The following VTI1B variants were observed in gnomAD, a reference collection of about 807,000 sequenced individuals.
VTI1B encodes the protein vesicle transport through interaction with t-SNAREs homolog 1B.
Under a neutral mutation model 28.6 loss-of-function variants are expected in VTI1B, and 18 were observed. The observed-to-expected ratio is 0.63, with a 90% CI of 0.43 to 0.93. VTI1B has a LOEUF of 0.93. VTI1B is among the 40% of genes least tolerant of loss of function. The probability of loss-of-function intolerance (pLI) is 0.00; values close to 1 mark genes in which losing one functional copy is unlikely to be tolerated. For missense variants in VTI1B, 283 were observed against 297.0 expected, an observed-to-expected ratio of 0.95 and a Z score of 0.35; for synonymous variants, 100 against 107.9, an observed-to-expected ratio of 0.93 and a Z score of 0.46.
chr14:67,670,799 TACC>T (rs1179783278), intron 1 of VTI1B, among the ~76,000 whole-genome samples: 1 of 152,190 alleles, frequency 6.6e-6, no homozygotes, highest in African/African-American at 2.4e-5. Flanking sequence ...GTGATGGGAC[TACC>T]AGCATGAGCC....
intron 1 of VTI1B, among the ~76,000 whole-genome samples, chr14:67,669,384 C>T (rs1257395668): frequency 4.0e-5 from 6 of 151,714 alleles, no homozygotes; most frequent in Non-Finnish European, 8.8e-5. Flanking sequence ...ATCCTCCTGC[C>T]TCAGCCTCCT....
intron 1 of VTI1B, among the ~76,000 whole-genome samples, chr14:67,667,124 G>A (rs1434141617): frequency 3.3e-5 from 5 of 152,134 alleles, no homozygotes; most frequent in African/African-American, 1.2e-4. Flanking sequence ...GGGAAACTGG[G>A]TGGATGCTGA....
chr14:67,654,805 A>G (rs28390085), intron 4 of VTI1B, among the ~76,000 whole-genome samples: 25,532 of 151,536 alleles, frequency 0.17, 2,224 homozygotes, highest in African/African-American at 0.23. Flanking sequence ...TGAGGCGGGC[A>G]GATCATGAGG....
At chr14:67,661,056 A>G (rs1386470019) in intron 2 of VTI1B, among the ~76,000 whole-genome samples, 1 of 152,086 alleles carries the variant, frequency 6.6e-6, no homozygotes, top group African/African-American at 2.4e-5. Context: ...CTTCATTGGG[A>G]TAAGTGGGAA....
At chr14:67,662,434 C>A in intron 2 of VTI1B, 43 bp downstream of exon 2, 1 of 1,546,008 alleles carries the variant, frequency 6.5e-7, no homozygotes, top group Non-Finnish European at 8.9e-7. Context: ...CTGGAAAAGA[C>A]CAACACCAGG....
intron 1 of VTI1B, among the ~76,000 whole-genome samples, chr14:67,666,600 A>G (rs2037405012): frequency 6.6e-6 from 1 of 152,268 alleles, no homozygotes; most frequent in Non-Finnish European, 1.5e-5. Context: ...GAGAGGGATC[A>G]ATAGCAGCTT....
At chr14:67,665,409 C>T (rs989174720) in intron 1 of VTI1B, among the ~76,000 whole-genome samples, 1 of 151,918 alleles carries the variant, frequency 6.6e-6, no homozygotes, top group Non-Finnish European at 1.5e-5. Context: ...GTAACTGAGA[C>T]TACAGGTGCA....
Position 67,656,474 on chromosome 14 carries a change from G to C in VTI1B, c.482C>G (p.Ser161Ter). The change falls in exon 4 of 6, where the codon TCA becomes TGA. Residue 161 changes from serine (S) to a stop codon, truncating the protein, a stop_gained. Transcript: ENST00000554659. LOFTEE classifies it high-confidence loss of function. ...RIATETDQIGSEIIEELGEQR... is the reference protein window; with the variant it reads ...RIATETDQIG ...TTCCCCCAGCTCTTCTATGATTTCT[G>C]AGCCAATCTGGTCAGTCTCTGTGGC... is the stretch of plus-strand genomic sequence containing the variant. 1 of 1,613,554 alleles carries C rather than the reference G, an allele frequency of 6.2e-7. No homozygotes were observed. Among genetic ancestry groups the C allele is most frequent in the Middle Eastern group, 1.7e-4 (1 of 6,056 alleles).
Position 67,650,932 on chromosome 14 carries a change from C to T in VTI1B, c.*453G>A. On this transcript the variant is annotated 3_prime_UTR_variant, in exon 6 of 6. Transcript: ENST00000554659. The stretch of plus-strand genomic sequence containing the variant: ...GTGTGAGAATTTAGGAGACACTGTG[C>T]ACTGACATGTTTCACAACAGGCATT... 1.2e-6 allele frequency: 2 copies of T among 1,611,872 alleles called. No individual in the cohort carries two copies. Among genetic ancestry groups the T allele is most frequent in the Non-Finnish European group, 8.5e-7 (1 of 1,178,528 alleles).
intron 1 of VTI1B, among the ~76,000 whole-genome samples, chr14:67,672,290 T>A (rs1222783372): frequency 6.6e-6 from 1 of 151,570 alleles, no homozygotes; most frequent in East Asian, 1.9e-4. Flanking sequence ...GGCTAATTTT[T>A]TTATTTTTTG....
At chr14:67,661,337 A>AG (rs1359425347) in intron 2 of VTI1B, among the ~76,000 whole-genome samples, 2 of 150,816 alleles carry the variant, frequency 1.3e-5, no homozygotes, top group Non-Finnish European at 3.0e-5. Flanking sequence ...GGTGAAGAGA[A>AG]GCAGTTGTTA....
chr14:67,656,437 C>A lies in VTI1B; in HGVS notation c.519G>T (p.Gln173His). The change falls in exon 4 of 6, where the codon CAG becomes CAT. Residue 173 changes from glutamine (Q) to histidine (H), a missense_variant. Physicochemically the swap from Gln to His is conservative, Grantham distance 24. Transcript: ENST00000554659. ...TTACTCTACTCTTGGTACGTTCTAA[C>A]TGGTCTCGTTGTTCCCCCAGCTCTT... The part of the protein sequence containing the change: ...IIEELGEQRD[Q>H]LERTKSRLVN... 3 of 1,613,202 alleles carry A rather than the reference C, an allele frequency of 1.9e-6. No individual in the cohort carries two copies. Among genetic ancestry groups the A allele is most frequent in the Non-Finnish European group, 2.5e-6 (3 of 1,179,536 alleles).
At chr14:67,672,651 C>A (rs1239618057) in intron 1 of VTI1B, among the ~76,000 whole-genome samples, 1 of 151,576 alleles carries the variant, frequency 6.6e-6, no homozygotes, top group Non-Finnish European at 1.5e-5. Context: ...CCATATTGGC[C>A]AGGCTGGTCT....
Position 67,650,013 on chromosome 14 carries a change from C to T in VTI1B, c.*1372G>A, listed in dbSNP as rs2037151377. On this transcript the variant is annotated 3_prime_UTR_variant, in exon 6 of 6. Coordinates refer to ENST00000554659, the MANE Select transcript of VTI1B (RefSeq NM_006370.3). ...AAAGGAACACTACCGAGAACTTTGA[C>T]ACAAGTTCTCAAACCTTAACAGAAG... The T allele has an allele frequency of 6.6e-6, 1 of 152,218 alleles. No homozygotes were observed. Among genetic ancestry groups the T allele is most frequent in the African/African-American group, 2.4e-5 (1 of 41,414 alleles). 9.4% of individuals were successfully genotyped at this position (152,218 alleles called of 1,614,324 possible). A position where few individuals can be genotyped will look rare whatever the true frequency, so the allele number is the denominator to read the frequency against.
intron 2 of VTI1B, 119 bp downstream of exon 2, chr14:67,662,358 G>C: frequency 1.1e-6 from 1 of 952,362 alleles, no homozygotes. Context: ...CATTTAGTAA[G>C]AAATAGTCAA....
At chr14:67,655,861 T>C (rs942306258) in intron 4 of VTI1B, among the ~76,000 whole-genome samples, 10 of 152,134 alleles carry the variant, frequency 6.6e-5, no homozygotes, top group African/African-American at 2.2e-4. Context: ...CATCTTTTTT[T>C]CCCCTCACTG....
intron 5 of VTI1B, chr14:67,652,236 G>GACT (rs1169597307): frequency 6.6e-6 from 1 of 152,244 alleles, no homozygotes; most frequent in Non-Finnish European, 1.5e-5. Flanking sequence ...TTTTGGTAAA[G>GACT]ACTACTGTAT....
intron 1 of VTI1B, among the ~76,000 whole-genome samples, chr14:67,664,896 T>C (rs563757418): frequency 1.3e-5 from 2 of 152,286 alleles, no homozygotes; most frequent in Middle Eastern, 3.4e-3. Context: ...AGACTGTGTC[T>C]CACTCTGTTG....
intron 2 of VTI1B, 99 bp downstream of exon 2, chr14:67,662,378 C>A: frequency 9.3e-7 from 1 of 1,080,608 alleles, no homozygotes; most frequent in South Asian, 1.4e-5. Context: ...AAATCAAGAT[C>A]AATGGACAGG....
Sources: gnomAD v4.1 joint callset for allele counts (sites outside exome capture counted in the v4.1 genomes callset) on GRCh38, gnomAD v4.1.1 for gene constraint, MANE v1.5 for transcripts, NCBI Gene and HGNC (gene_info 2026-07-23, HGNC 2026-07-21) for gene names.